PDSS2: variants seen among roughly 807,000 people sequenced by gnomAD.
PDSS2 encodes all trans-polyprenyl-diphosphate synthase PDSS2.
PDSS2 carries 31 observed loss-of-function variants against 44.5 expected under a neutral mutation model. That is an observed-to-expected ratio of 0.70 (90% CI 0.52 to 0.94). The LOEUF is 0.94. Ranked by LOEUF, PDSS2 falls within the 40% of genes least tolerant of loss-of-function variation. The pLI is 0.00. For synonymous variants in PDSS2, 157 were observed against 180.3 expected (o/e 0.87, Z 1.03); for missense variants, 452 against 482.2 (o/e 0.94, Z 0.59).
chr6:107,199,179 C>A (rs1772679310), intron 6 of PDSS2, among the ~76,000 whole-genome samples: 1 of 152,206 alleles, frequency 6.6e-6, no homozygotes, highest in Non-Finnish European at 1.5e-5. Context: ...TCATTCAGCA[C>A]CTACTATGAG....
Position 107,334,672 on chromosome 6 carries a change from C to T in PDSS2, c.297-340G>A, listed in dbSNP as rs529199729. Among the ~76,000 whole-genome samples, 135 of 147,622 alleles carry T rather than the reference C, an allele frequency of 9.1e-4. 2 individuals are homozygous for T. In the South Asian group the frequency reaches 0.025, roughly 27 times the overall value. ...CCTCCCACCTCAGTCTCCCTAGTAGCTGGAACTTTAGGTATGCACCACGAT... is the reference window on the plus strand; with the variant it reads ...CCTCCCACCTCAGTCTCCCTAGTAGTTGGAACTTTAGGTATGCACCACGAT... On this transcript the variant is annotated intron_variant, in intron 1 of 7. Transcript: ENST00000369037.
chr6:107,383,165 G>A (rs1350981161), intron 1 of PDSS2, among the ~76,000 whole-genome samples: 1 of 151,554 alleles, frequency 6.6e-6, no homozygotes, highest in African/African-American at 2.4e-5. Context: ...CAGGCATGGT[G>A]GTGTGCGCCT....
rs548768112 is a variant in PDSS2 at position 107,180,947 on chromosome 6, C to T, written c.1041+12875G>A. On this transcript the variant is annotated intron_variant, in intron 7 of 7. Coordinates refer to ENST00000369037, the MANE Select transcript of PDSS2 (RefSeq NM_020381.4). ...GCAACCTCCATCTCCCGGATTCAAG[C>T]GATTCTCCTGCCTCAGCCTCCTCAG... is the stretch of plus-strand genomic sequence containing the variant. 1.1e-3 allele frequency among the ~76,000 whole-genome samples: 162 copies of T among 152,226 alleles called. 1 individual carries two copies. Among genetic ancestry groups the T allele is most frequent in the Non-Finnish European group, 1.7e-3 (116 of 68,010 alleles).
intron 2 of PDSS2, among the ~76,000 whole-genome samples, chr6:107,290,100 T>C (rs1011447882): frequency 6.6e-6 from 1 of 152,226 alleles, no homozygotes; most frequent in Admixed American, 6.5e-5. Context: ...AAGGAGCTGA[T>C]GACTTAATGA....
chr6:107,457,080 A>C (rs1318209498), intron 1 of PDSS2, among the ~76,000 whole-genome samples: 1 of 152,198 alleles, frequency 6.6e-6, no homozygotes, highest in Admixed American at 6.5e-5. Context: ...GACATTCCTG[A>C]TAACTGGGAA....
intron 3 of PDSS2, among the ~76,000 whole-genome samples, chr6:107,255,133 G>A (rs1369729741): frequency 1.3e-5 from 2 of 151,380 alleles, no homozygotes; most frequent in African/African-American, 2.4e-5. Context: ...GAATACAGCC[G>A]TGAGCTACCA....
At chr6:107,406,143 C>A (rs939191984) in intron 1 of PDSS2, among the ~76,000 whole-genome samples, 1 of 152,146 alleles carries the variant, frequency 6.6e-6, no homozygotes, top group African/African-American at 2.4e-5. Flanking sequence ...ACTTTCCCAC[C>A]TCTCTTCTAT....
chr6:107,292,584 A>C (rs895933886), intron 2 of PDSS2, among the ~76,000 whole-genome samples: 1 of 152,252 alleles, frequency 6.6e-6, no homozygotes, highest in African/African-American at 2.4e-5. Context: ...TTATGCATGA[A>C]CATAATAAAG....
intron 4 of PDSS2, among the ~76,000 whole-genome samples, chr6:107,233,235 A>G (rs982149803): frequency 6.6e-6 from 1 of 150,756 alleles, no homozygotes; most frequent in East Asian, 1.9e-4. Flanking sequence ...TTTCTCCTAC[A>G]TATATAGTCT....
chr6:107,347,263 T>C (rs1441964988), intron 1 of PDSS2, among the ~76,000 whole-genome samples: 1 of 141,132 alleles, frequency 7.1e-6, no homozygotes, highest in East Asian at 2.1e-4. Context: ...CTTCTTTTTT[T>C]TTTTTTTTTT....
intron 4 of PDSS2, among the ~76,000 whole-genome samples, chr6:107,232,868 C>T (rs1774096461): frequency 6.6e-6 from 1 of 151,548 alleles, no homozygotes; most frequent in Non-Finnish European, 1.5e-5. Flanking sequence ...GAGACAGGGT[C>T]TTGCTCTGTC....
At chr6:107,209,707 T>C (rs1194702971) in intron 6 of PDSS2, among the ~76,000 whole-genome samples, 1 of 151,898 alleles carries the variant, frequency 6.6e-6, no homozygotes, top group Non-Finnish European at 1.5e-5. Context: ...CATGAGCCAC[T>C]GCGCCCACCC....
chr6:107,177,564 T>C (rs1295958310), intron 7 of PDSS2, among the ~76,000 whole-genome samples: 4 of 152,228 alleles, frequency 2.6e-5, no homozygotes, highest in Admixed American at 1.3e-4. Flanking sequence ...TTGGTTGTCA[T>C]GTCTTCCAAA....
At chr6:107,380,179 T>C (rs1001679709) in intron 1 of PDSS2, among the ~76,000 whole-genome samples, 7 of 152,166 alleles carry the variant, frequency 4.6e-5, no homozygotes, top group African/African-American at 1.7e-4. Flanking sequence ...TGGGTTTCCC[T>C]AGAAACTCCT....
Position 107,154,531 on chromosome 6 carries a change from G to T in PDSS2, c.*88C>A. Reference sequence around the variant, plus strand: ...AAGGAAAAATGCATATGTTTTAAAAGTCATTAACGCATCGTGAAAGCGCTC... The same window carrying T: ...AAGGAAAAATGCATATGTTTTAAAATTCATTAACGCATCGTGAAAGCGCTC... On this transcript the variant is annotated 3_prime_UTR_variant, in exon 8 of 8. Coordinates refer to ENST00000369037, the MANE Select transcript of PDSS2 (RefSeq NM_020381.4). 8.3e-7 allele frequency: 1 copy of T among 1,202,790 alleles called. No homozygotes were observed. Among genetic ancestry groups the T allele is most frequent in the Non-Finnish European group, 1.2e-6 (1 of 810,480 alleles). 74.5% of individuals were successfully genotyped at this position (1,202,790 alleles called of 1,614,324 possible). A position where few individuals can be genotyped will look rare whatever the true frequency, so the allele number is the denominator to read the frequency against.
intron 1 of PDSS2, among the ~76,000 whole-genome samples, chr6:107,340,365 C>T (rs1366279593): frequency 6.6e-6 from 1 of 152,134 alleles, no homozygotes. Flanking sequence ...CAAGTCAGCT[C>T]TGTCTTCTCC....
chr6:107,322,263 T>C (rs1368234184), intron 2 of PDSS2, among the ~76,000 whole-genome samples: 1 of 152,130 alleles, frequency 6.6e-6, no homozygotes, highest in Non-Finnish European at 1.5e-5. Context: ...CTCATGTATG[T>C]AATCCCAGCA....
chr6:107,189,729 G>A (rs1772303869), intron 7 of PDSS2, among the ~76,000 whole-genome samples: 1 of 152,114 alleles, frequency 6.6e-6, no homozygotes, highest in Non-Finnish European at 1.5e-5. Context: ...GCCATTGCTT[G>A]GTCCAGGGGT....
At chr6:107,431,046 C>G (rs1781179069) in intron 1 of PDSS2, among the ~76,000 whole-genome samples, 1 of 152,140 alleles carries the variant, frequency 6.6e-6, no homozygotes, top group African/African-American at 2.4e-5. Context: ...GTCACCTAAG[C>G]CTTTCATTCA....
Sources: gnomAD v4.1 joint callset for allele counts (sites outside exome capture counted in the v4.1 genomes callset) on GRCh38, gnomAD v4.1.1 for gene constraint, MANE v1.5 for transcripts, NCBI Gene and HGNC (gene_info 2026-07-23, HGNC 2026-07-21) for gene names.